The following SEL1L2 variants were observed in gnomAD, a reference collection of about 807,000 sequenced individuals.
SEL1L2 encodes protein sel-1 homolog 2.
Under a neutral mutation model 98.8 loss-of-function variants are expected in SEL1L2, and 89 were observed. The ratio of observed to expected loss-of-function variants is 0.90; its 90% CI spans 0.76 to 1.07. The LOEUF (loss-of-function observed/expected upper bound fraction) is 1.07, where lower values mean the gene tolerates loss of function less well. SEL1L2 is among the 50% of genes least tolerant of loss of function. The pLI, the probability that SEL1L2 is intolerant of heterozygous loss-of-function variation, is 0.00. For missense variants in SEL1L2, 788 were observed against 812.0 expected, an observed-to-expected ratio of 0.97 and a Z score of 0.36; for synonymous variants, 262 against 278.5, an observed-to-expected ratio of 0.94 and a Z score of 0.59.
intron 2 of SEL1L2, among the ~76,000 whole-genome samples, chr20:13,937,025 CAA>C (rs986748663): frequency 6.6e-6 from 1 of 152,232 alleles, no homozygotes; most frequent in African/African-American, 2.4e-5. Context: ...TGGTGACAGC[CAA>C]ACTCTTCTAC....
chr20:13,903,195 C>T (rs2047762768), intron 5 of SEL1L2, among the ~76,000 whole-genome samples: 1 of 150,250 alleles, frequency 6.7e-6, no homozygotes, highest in Admixed American at 6.6e-5. Context: ...TTCAACAGTT[C>T]TGATAATTAC....
At chr20:13,971,776 CGTATGAA>C (rs1402499942) in intron 1 of SEL1L2, among the ~76,000 whole-genome samples, 1 of 151,984 alleles carries the variant, frequency 6.6e-6, no homozygotes. Flanking sequence ...TTTTGTGATT[CGTATGAA>C]GTGGGATCTA....
At chr20:13,961,120 A>G (rs2050755341) in intron 1 of SEL1L2, among the ~76,000 whole-genome samples, 1 of 152,196 alleles carries the variant, frequency 6.6e-6, no homozygotes, top group South Asian at 2.1e-4. Flanking sequence ...CCAAGTGAGA[A>G]TAAGTCAGTT....
intron 5 of SEL1L2, among the ~76,000 whole-genome samples, chr20:13,905,310 T>A (rs963158817): frequency 5.6e-4 from 61 of 108,826 alleles, no homozygotes; most frequent in South Asian, 2.0e-3. Context: ...GTCCTATAAC[T>A]TTTTTTTTTT....
At chr20:13,964,885 C>T (rs2050968399) in intron 1 of SEL1L2, among the ~76,000 whole-genome samples, 1 of 152,146 alleles carries the variant, frequency 6.6e-6, no homozygotes, top group South Asian at 2.1e-4. Context: ...ATTTGCTTAG[C>T]TTTACAGTCT....
chr20:13,992,458 C>T (rs1461109953), upstream of SEL1L2, among the ~76,000 whole-genome samples: 1 of 152,018 alleles, frequency 6.6e-6, no homozygotes. Context: ...GAGCCAAGAT[C>T]GCGCCATTGC....
intron 11 of SEL1L2, 23 bp from the exon 12 acceptor site, chr20:13,876,138 G>A: frequency 6.4e-7 from 1 of 1,565,440 alleles, no homozygotes; most frequent in Non-Finnish European, 8.8e-7. Context: ...ATGAAAAGAG[G>A]ATAGAAAAAA....
At chr20:13,922,151 C>T (rs961203436) in intron 3 of SEL1L2, among the ~76,000 whole-genome samples, 2 of 152,158 alleles carry the variant, frequency 1.3e-5, no homozygotes, top group Non-Finnish European at 2.9e-5. Context: ...TACAATAATG[C>T]ATTATTATAT....
chr20:13,931,169 G>A (rs1390508878), intron 3 of SEL1L2, among the ~76,000 whole-genome samples: 4 of 151,270 alleles, frequency 2.6e-5, no homozygotes, highest in Admixed American at 6.6e-5. Context: ...TCAGCCTCCC[G>A]AGTAGCTGGG....
At chr20:13,849,864 G>A (rs1052029282) in intron 19 of SEL1L2, 15 of 543,632 alleles carry the variant, frequency 2.8e-5, no homozygotes, top group Middle Eastern at 1.0e-3. Context: ...GCCACCTGCC[G>A]TCTGCCTACC....
intron 2 of SEL1L2, among the ~76,000 whole-genome samples, chr20:13,955,681 C>CA (rs1238647902): frequency 6.6e-6 from 1 of 152,116 alleles, no homozygotes; most frequent in African/African-American, 2.4e-5. Flanking sequence ...CCCCTACTTC[C>CA]AAAATGTGCA....
At chr20:13,924,796 A>T (rs193276432) in intron 3 of SEL1L2, among the ~76,000 whole-genome samples, 4 of 152,200 alleles carry the variant, frequency 2.6e-5, no homozygotes, top group African/African-American at 7.2e-5. Context: ...TAACCATTTT[A>T]AAATATATTT....
intron 12 of SEL1L2, among the ~76,000 whole-genome samples, chr20:13,873,440 C>A (rs1358751248): frequency 6.6e-6 from 1 of 152,118 alleles, no homozygotes; most frequent in East Asian, 1.9e-4. Context: ...CAGTTCACTA[C>A]AACCTCTTCC....
chr20:13,909,046 C>G (rs1289791438), intron 5 of SEL1L2, among the ~76,000 whole-genome samples: 1 of 152,104 alleles, frequency 6.6e-6, no homozygotes, highest in Non-Finnish European at 1.5e-5. Flanking sequence ...TTATTTCTGA[C>G]TGTTCTTCCC....
intron 1 of SEL1L2, among the ~76,000 whole-genome samples, chr20:13,984,461 C>A (rs184114195): frequency 4.6e-5 from 7 of 152,280 alleles, no homozygotes; most frequent in African/African-American, 1.4e-4. Flanking sequence ...GTTCTTAGTA[C>A]TCTCTCACCT....
At chr20:13,885,255 C>A in intron 10 of SEL1L2, 92 bp downstream of exon 10, 1 of 822,670 alleles carries the variant, frequency 1.2e-6, no homozygotes, top group Admixed American at 1.8e-5. Context: ...GCAACTCTTC[C>A]ACCTCTCCCT....
At chr20:13,921,194 C>T (rs917359112) in intron 3 of SEL1L2, among the ~76,000 whole-genome samples, 3 of 152,038 alleles carry the variant, frequency 2.0e-5, no homozygotes, top group African/African-American at 2.4e-5. Context: ...TTCAATTATT[C>T]GTTTTCTTCA....
At position 13,919,012 on chromosome 20, in the gene SEL1L2, A is replaced by G; in HGVS notation, c.386+9T>C. ...TCAACTTGGCTAAGGTCACTGGATA[A>G]AGACTTACTCTTCTTTTTGTTTTTG... is the stretch of plus-strand genomic sequence containing the variant. On this transcript the variant is annotated intron_variant, in intron 4 of 19. Coordinates refer to ENST00000284951, the MANE Select transcript of SEL1L2 (RefSeq NM_025229.2). 2 of 1,590,420 alleles carry G rather than the reference A, an allele frequency of 1.3e-6. No individual in the cohort carries two copies. The highest frequency in any genetic ancestry group is 4.5e-5 in the East Asian group (2 of 44,722).
At chr20:13,882,812 C>CTTTT (rs759286946) in intron 10 of SEL1L2, among the ~76,000 whole-genome samples, 110 of 107,230 alleles carry the variant, frequency 1.0e-3, no homozygotes, top group East Asian at 1.2e-3. Flanking sequence ...GTCAATTTGT[C>CTTTT]TTTTTTTTTT....
Sources: allele counts gnomAD v4.1 joint callset (sites outside exome capture counted in the v4.1 genomes callset), GRCh38; gene constraint gnomAD v4.1.1; transcripts MANE v1.5; gene names NCBI Gene and HGNC (gene_info 2026-07-23, HGNC 2026-07-21).